The following HHIP variants were observed in gnomAD, a reference collection of about 807,000 sequenced individuals.
HHIP encodes the protein hedgehog-interacting protein.
In HHIP, 12 loss-of-function variants were observed where a neutral mutation model predicts 74.0. That is an observed-to-expected ratio of 0.16 (90% CI 0.10 to 0.26). HHIP has a LOEUF of 0.26. HHIP is among the 10% of genes least tolerant of loss of function. The pLI is 1.00. For missense variants in HHIP, 788 were observed against 845.0 expected (o/e 0.93, Z 0.84); for synonymous variants, 309 against 311.6 (o/e 0.99, Z 0.09).
Position 144,737,907 on chromosome 4 carries a change from A to G in HHIP, c.2053A>G (p.Ile685Val), listed in dbSNP as rs144064941. 6.2e-7 allele frequency: 1 copy of G among 1,613,196 alleles called. No individual in the cohort carries two copies. Among genetic ancestry groups the G allele is most frequent in the Non-Finnish European group, 8.5e-7 (1 of 1,179,462 alleles). Residue 685 changes from isoleucine to valine, a missense_variant, in exon 13 of 13, where the codon ATC becomes GTC. Transcript: ENST00000296575. ...RVTRAGILDQ[I>V]IDMTSYLLDL... ...GACCAGGGCAGGTATTCTTGATCAG[A>G]TCATTGACATGACATCTTACTTGCT...
In HHIP at chr4:144,646,903, G is replaced by C. The variant is rs748884606; in HGVS notation, c.228G>C (p.Leu76=). ...TGTGCGGTGGCTTCTACCCTCGGCT[G>C]TCCTGCTGCCTGCGGAGTGACAGCC... ...EMLCGGFYPR[L]SCCLRSDSPG... Residue 76 remains leucine (L), a synonymous_variant, in exon 1 of 13, where the codon CTG becomes CTC. Transcript: ENST00000296575. The C allele has an allele frequency of 3.1e-6, 5 of 1,613,884 alleles. No individual in the cohort carries two copies. In the Admixed American group the frequency reaches 8.3e-5, roughly 27 times the overall value.
chr4:144,704,217 C>T (rs568274568), intron 4 of HHIP, among the ~76,000 whole-genome samples: 2 of 152,210 alleles, frequency 1.3e-5, no homozygotes, highest in East Asian at 3.9e-4. Context: ...TCTGAAATGA[C>T]TTAAGAGTAG....
chr4:144,714,781 A>G (rs1475378147), intron 9 of HHIP, among the ~76,000 whole-genome samples: 1 of 152,168 alleles, frequency 6.6e-6, no homozygotes, highest in East Asian at 1.9e-4. Context: ...ATTTGTCTCT[A>G]TAAGTAGGAA....
intron 2 of HHIP, among the ~76,000 whole-genome samples, 184 bp from the exon 3 acceptor site, chr4:144,658,606 T>A (rs1578678923): frequency 6.6e-6 from 1 of 152,232 alleles, no homozygotes; most frequent in Middle Eastern, 3.4e-3. Flanking sequence ...TGACCTCAGG[T>A]GATCCACCCA....
chr4:144,722,951 G>A (rs949968772), intron 11 of HHIP, among the ~76,000 whole-genome samples: 1 of 151,956 alleles, frequency 6.6e-6, no homozygotes, highest in Admixed American at 6.6e-5. Flanking sequence ...TCCTAGGGGT[G>A]GAAATTAAAG....
intron 2 of HHIP, among the ~76,000 whole-genome samples, chr4:144,656,498 G>C (rs929764676): frequency 1.3e-5 from 2 of 152,200 alleles, no homozygotes; most frequent in African/African-American, 4.8e-5. Context: ...CACCAGCATT[G>C]TTTATTAATT....
At chr4:144,679,154 T>C (rs924723721) in intron 4 of HHIP, among the ~76,000 whole-genome samples, 3 of 152,204 alleles carry the variant, frequency 2.0e-5, no homozygotes, top group Admixed American at 2.0e-4. Context: ...TTTTTTTCTA[T>C]GTTTGTTGGC....
chr4:144,711,945 T>A lies in HHIP; in HGVS notation c.1302-5T>A, dbSNP rs369514208. The stretch of plus-strand genomic sequence containing the variant: ...AATTAATGTGTATCCCCTCTTGTTA[T>A]GCAGATGTGCTGTGGATAGACATCC... On this transcript the variant is annotated splice_polypyrimidine_tract_variant and splice_region_variant and intron_variant, in intron 7 of 12. Coordinates refer to ENST00000296575, the MANE Select transcript of HHIP (RefSeq NM_022475.3). 6.2e-7 allele frequency: 1 copy of A among 1,611,462 alleles called. No homozygotes were observed. Among genetic ancestry groups the A allele is most frequent in the Non-Finnish European group, 8.5e-7 (1 of 1,178,882 alleles).
At chr4:144,707,743 T>C (rs938588059) in intron 6 of HHIP, among the ~76,000 whole-genome samples, 17 of 150,136 alleles carry the variant, frequency 1.1e-4, no homozygotes, top group Non-Finnish European at 2.2e-4. Flanking sequence ...CCCAGTTTCA[T>C]TTTCCACAAT....
In HHIP at chr4:144,715,311, C is replaced by G; in HGVS notation, c.1559C>G (p.Thr520Ser). The G allele has an allele frequency of 2.5e-6, 4 of 1,613,076 alleles. No homozygotes were observed. Among genetic ancestry groups the G allele is most frequent in the Non-Finnish European group, 3.4e-6 (4 of 1,179,234 alleles). The change falls in exon 10 of 13, where the codon ACT becomes AGT. Residue 520 changes from threonine to serine, a missense_variant. By Grantham distance (58) the Thr-to-Ser change is moderately conservative. Transcript: ENST00000296575. ...TGTTTCTGTTGTAGGAATTTCCTAA[C>G]TCTCCAGCAAAGTCCTGTGACAAAG... The part of the protein sequence containing the change: ...VFGDRNGNFL[T>S]LQQSPVTKQW...
intron 11 of HHIP, among the ~76,000 whole-genome samples, chr4:144,727,719 T>C (rs1730841842): frequency 6.6e-6 from 1 of 152,192 alleles, no homozygotes; most frequent in Non-Finnish European, 1.5e-5. Flanking sequence ...GAATTTCCCA[T>C]GGAAATATAT....
At chr4:144,721,492 A>G (rs1381825441) in intron 11 of HHIP, among the ~76,000 whole-genome samples, 2 of 152,070 alleles carry the variant, frequency 1.3e-5, no homozygotes, top group Admixed American at 1.3e-4. Flanking sequence ...AGTGTGCAGC[A>G]ATCTCAGAAA....
chr4:144,679,294 T>C (rs963947184), intron 4 of HHIP, among the ~76,000 whole-genome samples: 1 of 152,210 alleles, frequency 6.6e-6, no homozygotes, highest in Non-Finnish European at 1.5e-5. Context: ...GTCAGATTTA[T>C]AGATTGCAGA....
At chr4:144,678,230 G>A (rs1729227013) in intron 4 of HHIP, among the ~76,000 whole-genome samples, 1 of 152,120 alleles carries the variant, frequency 6.6e-6, no homozygotes, top group Admixed American at 6.5e-5. Context: ...CCTCCAAAAT[G>A]CTTATATAGA....
rs1459270574 is a variant in HHIP, at chr4:144,714,355, T to C, written c.1547+7T>C. On this transcript the variant is annotated splice_region_variant and intron_variant, in intron 9 of 12. Transcript: ENST00000296575. ...TGTTTGGAGATCGTAATGGGTAGGT[T>C]TCCTGATACCACAACAGTATGATAT... 6.2e-7 allele frequency: 1 copy of C among 1,613,156 alleles called. No individual in the cohort carries two copies. The highest frequency in any genetic ancestry group is 1.1e-5 in the South Asian group (1 of 91,036).
intron 8 of HHIP, among the ~76,000 whole-genome samples, chr4:144,713,798 A>G (rs1730365402): frequency 6.6e-6 from 1 of 152,176 alleles, no homozygotes; most frequent in South Asian, 2.1e-4. Flanking sequence ...AGGCTTTTAA[A>G]CATTTTACAT....
At chr4:144,708,478 A>T (rs2254637) in intron 7 of HHIP, among the ~76,000 whole-genome samples, 167 bp downstream of exon 7, 150,586 of 152,340 alleles carry the variant, frequency 0.99, 74,451 homozygotes, top group East Asian at 1. Context: ...TATTTAGCAC[A>T]CTGTCTTCTA....
At chr4:144,669,046 T>G (rs977599059) in intron 4 of HHIP, among the ~76,000 whole-genome samples, 3 of 150,990 alleles carry the variant, frequency 2.0e-5, no homozygotes, top group Non-Finnish European at 2.9e-5. Context: ...ATGCAATAAG[T>G]ATGTACAACA....
At chr4:144,690,335 A>T (rs1266437631) in intron 4 of HHIP, among the ~76,000 whole-genome samples, 1 of 152,214 alleles carries the variant, frequency 6.6e-6, no homozygotes, top group Non-Finnish European at 1.5e-5. Context: ...ACTGGTAGGT[A>T]TAATCAACAC....
Sources: gnomAD v4.1 joint callset for allele counts (sites outside exome capture counted in the v4.1 genomes callset) on GRCh38, gnomAD v4.1.1 for gene constraint, MANE v1.5 for transcripts, NCBI Gene and HGNC (gene_info 2026-07-23, HGNC 2026-07-21) for gene names.